CLCN2: variants seen among roughly 807,000 people sequenced by gnomAD.
CLCN2 encodes the protein chloride channel protein 2.
Under a neutral mutation model 108.3 loss-of-function variants are expected in CLCN2, and 72 were observed. That is an observed-to-expected ratio of 0.66 (90% CI 0.55 to 0.81). The LOEUF is 0.81. Ranked by LOEUF, CLCN2 falls within the 30% of genes least tolerant of loss-of-function variation. The pLI, the probability that CLCN2 is intolerant of heterozygous loss-of-function variation, is 0.00. For synonymous variants in CLCN2, 471 were observed against 467.1 expected (o/e 1.01, Z -0.11); for missense variants, 1,048 against 1,205.2 (o/e 0.87, Z 1.93).
At chr3:184,360,675 G>A (rs1217560278) in intron 1 of CLCN2, among the ~76,000 whole-genome samples, 2 of 152,168 alleles carry the variant, frequency 1.3e-5, no homozygotes, top group East Asian at 1.9e-4. Context: ...GTGACATGAG[G>A]AGGGTCACGT....
chr3:184,347,226 T>A, intron 22 of CLCN2: 1 of 631,150 alleles, frequency 1.6e-6, no homozygotes, highest in Non-Finnish European at 2.9e-6. Flanking sequence ...AGGAACTTGA[T>A]ACTCAAAATC....
In CLCN2 at chr3:184,355,204, T is replaced by A. The variant is rs1056383462; in HGVS notation, c.1326+170A>T. On this transcript the variant is annotated intron_variant, in intron 12 of 23. Coordinates refer to ENST00000265593, the MANE Select transcript of CLCN2 (RefSeq NM_004366.6). The surrounding 1 kb of genome is among the most constrained non-coding windows in gnomAD (Gnocchi z 6.3). ...ATCATCGCTCTGCCCTCTAGCTGTG[T>A]GACTTTGGGCCAGCTACTTGTGTTT... The A allele has an allele frequency of 4.8e-6, 4 of 840,172 alleles. No individual in the cohort carries two copies. In the African/African-American group the frequency reaches 6.7e-5, roughly 14 times the overall value. 52.0% of individuals were successfully genotyped at this position (840,172 alleles called of 1,614,324 possible).
intron 22 of CLCN2, chr3:184,347,799 C>T (rs73187646): frequency 0.11 from 16,806 of 152,676 alleles, 1,218 homozygotes; most frequent in Non-Finnish European, 0.17. Context: ...AACGGTCACC[C>T]CCATCTTCCC....
chr3:184,352,434 C>A lies in CLCN2; in HGVS notation c.2271+9G>T. The A allele has an allele frequency of 1.2e-6, 2 of 1,613,218 alleles. No individual in the cohort carries two copies. Among genetic ancestry groups the A allele is most frequent in the Admixed American group, 1.7e-5 (1 of 59,976 alleles). ...GCCGCCGAGATGCTAGAAGAGCAGG[C>A]ATACTTACTGCCAGGGAGATTCGGA... On this transcript the variant is annotated intron_variant, in intron 20 of 23. Transcript: ENST00000265593.
chr3:184,346,567 G>T lies in CLCN2; in HGVS notation c.*39C>A. 6.2e-7 allele frequency: 1 copy of T among 1,606,342 alleles called. No individual in the cohort carries two copies. Among genetic ancestry groups the T allele is most frequent in the African/African-American group, 1.3e-5 (1 of 74,930 alleles). Reference sequence around the variant, plus strand: ...TGAAAGATGCACATTCTGGGCTGACGGGCATGGCTAGCACCATCCTAGGCC... The same window carrying T: ...TGAAAGATGCACATTCTGGGCTGACTGGCATGGCTAGCACCATCCTAGGCC... On this transcript the variant is annotated 3_prime_UTR_variant, in exon 24 of 24. Coordinates refer to ENST00000265593, the MANE Select transcript of CLCN2 (RefSeq NM_004366.6). The surrounding 1 kb of genome is among the most constrained non-coding windows in gnomAD (Gnocchi z 6.0).
At chr3:184,352,697 G>C in intron 19 of CLCN2, 40 bp downstream of exon 19, 1 of 1,603,692 alleles carries the variant, frequency 6.2e-7, no homozygotes, top group Non-Finnish European at 8.5e-7. Context: ...GAGGGAGCTG[G>C]GGAAAAAGCA....
chr3:184,361,493 C>T lies in CLCN2; in HGVS notation c.-14G>A. 1 of 1,610,086 alleles carries T rather than the reference C, an allele frequency of 6.2e-7. No individual in the cohort carries two copies. The highest frequency in any genetic ancestry group is 2.2e-5 in the East Asian group (1 of 44,878). ...CGCGGCCGCCATCTCCGCGCACTGC[C>T]CTCTCGCCTCCCTCGGCGGTTCCGG... On this transcript the variant is annotated 5_prime_UTR_variant, in exon 1 of 24. Transcript: ENST00000265593. This position sits in a 1 kb window ranked among gnomAD's most constrained non-coding sequence, Gnocchi z 6.6.
chr3:184,356,028 G>C, intron 10 of CLCN2: 1 of 509,486 alleles, frequency 2.0e-6, no homozygotes, highest in Admixed American at 3.2e-5. Flanking sequence ...AGCAGCAGCA[G>C]AAAGTCCATC....
At position 184,354,955 on chromosome 3, in the gene CLCN2, C is replaced by T. The variant is rs1187581264; in HGVS notation, c.1345G>A (p.Ala449Thr). ...CCACAGGGAACTGGGATGGTGGTGG[C>T]CAGTGCAGACATCCAGAACTGCAGG... ...ILMKFWMSALATTIPVPCGAF... is the reference protein window; with the variant it reads ...ILMKFWMSALTTTIPVPCGAF... The change falls in exon 13 of 24, where the codon GCC (alanine) becomes ACC (threonine). Residue 449 changes from alanine to threonine, a missense_variant. Coordinates refer to ENST00000265593, the MANE Select transcript of CLCN2 (RefSeq NM_004366.6). 2 of 1,613,804 alleles carry T rather than the reference C, an allele frequency of 1.2e-6. No homozygotes were observed. The highest frequency in any genetic ancestry group is 4.5e-5 in the East Asian group (2 of 44,888).
At chr3:184,349,757 C>A (rs1474840778) in intron 22 of CLCN2, among the ~76,000 whole-genome samples, 1 of 152,194 alleles carries the variant, frequency 6.6e-6, no homozygotes, top group Non-Finnish European at 1.5e-5. Context: ...GAAAGTGAAG[C>A]ACAGAGAGGC....
At position 184,346,868 on chromosome 3, in the gene CLCN2, T is replaced by G; in HGVS notation, c.2502+67A>C. On this transcript the variant is annotated intron_variant, in intron 23 of 23. Coordinates refer to ENST00000265593, the MANE Select transcript of CLCN2 (RefSeq NM_004366.6). The surrounding 1 kb of genome is among the most constrained non-coding windows in gnomAD (Gnocchi z 6.0). ...ACTCCTCCCCGCCTTCCTCCCCAGGTGAGCTGGACATAAGCCTCCATGACT... is the reference window on the plus strand; with the variant it reads ...ACTCCTCCCCGCCTTCCTCCCCAGGGGAGCTGGACATAAGCCTCCATGACT... 7.4e-6 allele frequency: 12 copies of G among 1,611,512 alleles called. No homozygotes were observed. The highest frequency in any genetic ancestry group is 1.0e-5 in the Non-Finnish European group (12 of 1,177,612).
rs587777111 is a variant in CLCN2 at position 184,354,556 on chromosome 3, G to T, written c.1499C>A (p.Ala500Asp). 6.2e-7 allele frequency: 1 copy of T among 1,612,946 alleles called. No homozygotes were observed. ...STYRIVPGGY[A>D]VVGAAALAGA... ...GGACCTGAGGCACTCACCGACCACA[G>T]CGTAGCCCCCAGGCACAATCCGGTA... The change falls in exon 14 of 24, where the codon GCT becomes GAT. Residue 500 changes from alanine to aspartate, a missense_variant. By Grantham distance (126) the Ala-to-Asp change is moderately radical. Coordinates refer to ENST00000265593, the MANE Select transcript of CLCN2 (RefSeq NM_004366.6).
chr3:184,359,161 G>A (rs749492235), intron 1 of CLCN2, 30 bp from the exon 2 acceptor site: 5 of 1,613,214 alleles, frequency 3.1e-6, no homozygotes, highest in East Asian at 2.2e-5. Flanking sequence ...GGGGGCATTC[G>A]AGGTCATGGG....
chr3:184,350,884 C>A (rs1175236605), intron 22 of CLCN2, among the ~76,000 whole-genome samples: 4 of 152,154 alleles, frequency 2.6e-5, no homozygotes, highest in Non-Finnish European at 5.9e-5. Context: ...GTGTCTCGCA[C>A]ATAGCAAGCA....
intron 7 of CLCN2, 31 bp downstream of exon 7, chr3:184,357,589 G>A (rs760612212): frequency 3.1e-6 from 5 of 1,613,844 alleles, no homozygotes; most frequent in East Asian, 2.2e-5. Context: ...GCAGGGTTGT[G>A]GGGCTGGACT....
rs2228292 is a variant in CLCN2, at chr3:184,352,800, C to G, written c.2154G>C (p.Glu718Asp). 34,004 of 1,613,200 alleles carry G rather than the reference C, an allele frequency of 0.021. 434 individuals carry two copies. Among genetic ancestry groups the G allele is most frequent in the Non-Finnish European group, 0.025 (29,801 of 1,179,932 alleles). The change falls in exon 19 of 24, where the codon GAG (glutamate) becomes GAC (aspartate). Residue 718 changes from glutamate to aspartate, a missense_variant. Physicochemically the swap from Glu to Asp is conservative, Grantham distance 45. Transcript: ENST00000265593. ...NLGESPTGSA[E>D]SAGIALRSLF... ...GGCTCCGGAGGGCGATGCCTGCCGA[C>G]TCTGCGCTCCCTGTGTTCCCAAACA...
intron 1 of CLCN2, among the ~76,000 whole-genome samples, chr3:184,360,307 C>T (rs993940648): frequency 6.6e-6 from 1 of 151,996 alleles, no homozygotes; most frequent in African/African-American, 2.4e-5. Context: ...CCTGAGAGCT[C>T]ATTCCAGAGA....
intron 15 of CLCN2, 127 bp from the exon 16 acceptor site, chr3:184,353,922 G>T (rs1728329859): frequency 6.8e-7 from 1 of 1,461,416 alleles, no homozygotes; most frequent in Non-Finnish European, 9.3e-7. Context: ...GGACCAAGGG[G>T]TGCTCCCACC....
chr3:184,352,815 G>A lies in CLCN2; in HGVS notation c.2144-5C>T, dbSNP rs149777473. 3.5e-4 allele frequency: 567 copies of A among 1,613,188 alleles called. 3 individuals are homozygous for A. In the African/African-American group the frequency reaches 7.1e-3, roughly 20 times the overall value. On this transcript the variant is annotated splice_region_variant and splice_polypyrimidine_tract_variant and intron_variant, in intron 18 of 23. Transcript: ENST00000265593. ...TGCCTGCCGACTCTGCGCTCCCTGTGTTCCCAAACATAAGGCCCCAGGGGG... is the reference window on the plus strand; with the variant it reads ...TGCCTGCCGACTCTGCGCTCCCTGTATTCCCAAACATAAGGCCCCAGGGGG...
Sources: gnomAD v4.1 joint callset for allele counts (sites outside exome capture counted in the v4.1 genomes callset) on GRCh38, gnomAD v4.1.1 for gene constraint, Gnocchi (gnomAD v3.1) non-coding constraint, MANE v1.5 for transcripts, NCBI Gene and HGNC (gene_info 2026-07-23, HGNC 2026-07-21) for gene names.